Variants in MEMO1 observed in about 807,000 individuals in gnomAD.
MEMO1 encodes protein MEMO1.
MEMO1 carries 6 observed loss-of-function variants against 45.2 expected under a neutral mutation model. The ratio of observed to expected loss-of-function variants is 0.13; its 90% CI spans 0.07 to 0.26. MEMO1 has a LOEUF of 0.26. Among genes scored for constraint, MEMO1 ranks in the 10% least tolerant of loss-of-function variants. MEMO1 has a pLI of 1.00. For missense variants in MEMO1, 184 were observed against 370.5 expected (o/e 0.50, Z 4.13); for synonymous variants, 78 against 124.3 (o/e 0.63, Z 2.48).
At chr2:31,950,489 C>G (rs1666718101) in intron 2 of MEMO1, among the ~76,000 whole-genome samples, 1 of 151,692 alleles carries the variant, frequency 6.6e-6, no homozygotes, top group South Asian at 2.1e-4. Flanking sequence ...GATGCCCAGG[C>G]AAGCAGATCA....
chr2:31,978,473 G>A (rs1670266881), intron 2 of MEMO1, among the ~76,000 whole-genome samples: 1 of 152,218 alleles, frequency 6.6e-6, no homozygotes, highest in South Asian at 2.1e-4. Context: ...AATTATTAAA[G>A]AGAATCCAGA....
intron 4 of MEMO1, among the ~76,000 whole-genome samples, chr2:31,925,431 G>C (rs1682938702): frequency 1.5e-5 from 2 of 131,606 alleles, no homozygotes; most frequent in South Asian, 4.8e-4. Flanking sequence ...AGCTGAGATT[G>C]TGCCACTGCA....
chr2:31,998,126 T>A (rs1672823719), intron 2 of MEMO1, among the ~76,000 whole-genome samples: 1 of 152,104 alleles, frequency 6.6e-6, no homozygotes, highest in Non-Finnish European at 1.5e-5. Context: ...ATCCTCCCAC[T>A]TCAGCCTCCA....
chr2:31,944,191 T>G (rs961771751), intron 2 of MEMO1, among the ~76,000 whole-genome samples: 1 of 152,184 alleles, frequency 6.6e-6, no homozygotes, highest in African/African-American at 2.4e-5. Context: ...ATATAAACTT[T>G]AAAATAATAA....
At chr2:31,990,078 C>A (rs1243707581) in intron 2 of MEMO1, among the ~76,000 whole-genome samples, 1 of 152,202 alleles carries the variant, frequency 6.6e-6, no homozygotes, top group Non-Finnish European at 1.5e-5. Flanking sequence ...GAGCATGCCA[C>A]TGCACTCCAG....
intron 5 of MEMO1, among the ~76,000 whole-genome samples, chr2:31,919,819 T>C (rs1483105262): frequency 1.3e-5 from 2 of 151,876 alleles, no homozygotes; most frequent in Non-Finnish European, 2.9e-5. Flanking sequence ...TGAGACCCCA[T>C]CTCTAAAAAC....
rs529036842 is a variant in MEMO1, at chr2:31,970,115, G to A, written c.62-26732C>T. Among the ~76,000 whole-genome samples, 9 of 152,076 alleles carry A rather than the reference G, an allele frequency of 5.9e-5. No homozygotes were observed. The East Asian group carries it at 1.7e-3, about 30-fold the overall frequency. ...GCCTCCTGAGTAGCTGGGATTACAGGCATGCACCATCATACCTTGCTAATT... is the reference window on the plus strand; with the variant it reads ...GCCTCCTGAGTAGCTGGGATTACAGACATGCACCATCATACCTTGCTAATT... On this transcript the variant is annotated intron_variant, in intron 2 of 9. Transcript: ENST00000404530.
intron 2 of MEMO1, among the ~76,000 whole-genome samples, chr2:31,960,060 G>T (rs1165662568): frequency 6.6e-6 from 1 of 152,146 alleles, no homozygotes; most frequent in African/African-American, 2.4e-5. Context: ...AGCCGGGTGT[G>T]GCGGCGCATG....
intron 2 of MEMO1, among the ~76,000 whole-genome samples, chr2:31,975,990 A>C (rs1669960911): frequency 6.6e-6 from 1 of 152,150 alleles, no homozygotes; most frequent in Admixed American, 6.6e-5. Context: ...TCCCAGATTC[A>C]AGTGATTCTT....
intron 8 of MEMO1, among the ~76,000 whole-genome samples, chr2:31,879,567 T>C (rs1329802570): frequency 6.6e-6 from 1 of 152,180 alleles, no homozygotes; most frequent in African/African-American, 2.4e-5. Flanking sequence ...ATGCAGGCCA[T>C]ATATGTAATT....
intron 2 of MEMO1, among the ~76,000 whole-genome samples, chr2:31,999,585 G>A (rs149530253): frequency 1.2e-3 from 181 of 152,222 alleles, no homozygotes; most frequent in Non-Finnish European, 2.2e-3. Flanking sequence ...TGGCAAGATC[G>A]CTTGAGCACG....
In MEMO1 at chr2:32,005,380, T is replaced by C. The variant is rs562849049; in HGVS notation, c.61+4807A>G. 6.6e-5 allele frequency among the ~76,000 whole-genome samples: 8 copies of C among 121,620 alleles called. No homozygotes were observed. In the East Asian group the frequency reaches 7.9e-4, roughly 12 times the overall value. 79.8% of individuals were successfully genotyped at this position (121,620 alleles called of 152,430 possible). On this transcript the variant is annotated intron_variant, in intron 2 of 9. Transcript: ENST00000404530. ...ACTATATAATTCCACTGATAAAGAA[T>C]TGGAAAACAGACAAAATTTTTCTGT...
chr2:32,008,919 T>A (rs1674439815), intron 2 of MEMO1, among the ~76,000 whole-genome samples: 1 of 152,170 alleles, frequency 6.6e-6, no homozygotes, highest in Admixed American at 6.5e-5. Context: ...CTTTGCTTTC[T>A]CACAGGCCAT....
intron 9 of MEMO1, 108 bp downstream of exon 9, chr2:31,869,740 C>G: frequency 8.3e-7 from 1 of 1,208,418 alleles, no homozygotes; most frequent in Non-Finnish European, 1.1e-6. Flanking sequence ...TAAAAAGAAA[C>G]TTGACCATAG....
intron 8 of MEMO1, 143 bp from the exon 9 acceptor site, chr2:31,870,095 G>A: frequency 3.0e-6 from 2 of 665,794 alleles, no homozygotes; most frequent in Non-Finnish European, 4.4e-6. Flanking sequence ...AATAAACCTT[G>A]TGAAACATCA....
At chr2:31,956,867 G>C (rs1409338518) in intron 2 of MEMO1, among the ~76,000 whole-genome samples, 4 of 152,190 alleles carry the variant, frequency 2.6e-5, no homozygotes, top group South Asian at 4.1e-4. Flanking sequence ...GTGTAGGCCA[G>C]ACACAGTGGC....
chr2:31,956,314 G>C (rs1294954453), intron 2 of MEMO1, among the ~76,000 whole-genome samples: 1 of 150,856 alleles, frequency 6.6e-6, no homozygotes, highest in Non-Finnish European at 1.5e-5. Flanking sequence ...TCCCACACAA[G>C]GTAGCACTTC....
intron 2 of MEMO1, among the ~76,000 whole-genome samples, chr2:32,005,789 T>C (rs1673993829): frequency 6.6e-6 from 1 of 152,222 alleles, no homozygotes; most frequent in South Asian, 2.1e-4. Context: ...AAATACTTAT[T>C]GAGCATCTAC....
At chr2:31,945,519 T>G (rs1666088933) in intron 2 of MEMO1, among the ~76,000 whole-genome samples, 1 of 152,188 alleles carries the variant, frequency 6.6e-6, no homozygotes, top group Non-Finnish European at 1.5e-5. Flanking sequence ...CTACCTGTAC[T>G]CCCCGACCCC....
Sources: allele counts gnomAD v4.1 joint callset (sites outside exome capture counted in the v4.1 genomes callset), GRCh38; gene constraint gnomAD v4.1.1; transcripts MANE v1.5; gene names NCBI Gene and HGNC (gene_info 2026-07-23, HGNC 2026-07-21).